Variants in PHOSPHO2 observed in about 807,000 individuals in gnomAD.
PHOSPHO2 encodes the protein phosphatase, orphan 2.
PHOSPHO2 carries 14 observed loss-of-function variants against 16.4 expected under a neutral mutation model. The ratio of observed to expected loss-of-function variants is 0.85; its 90% CI spans 0.56 to 1.33. The LOEUF is 1.33. PHOSPHO2 is among the 40% of genes most tolerant of loss of function. The pLI, the probability that PHOSPHO2 is intolerant of heterozygous loss-of-function variation, is 0.00. For missense variants in PHOSPHO2, 246 were observed against 282.5 expected, an observed-to-expected ratio of 0.87 and a Z score of 0.93; for synonymous variants, 85 against 90.5, an observed-to-expected ratio of 0.94 and a Z score of 0.34.
intron 3 of PHOSPHO2, among the ~76,000 whole-genome samples, chr2:169,698,849 A>G (rs1005368427): frequency 2.0e-5 from 3 of 152,192 alleles, no homozygotes; most frequent in African/African-American, 7.2e-5. Context: ...AGCTATAAAT[A>G]AACATGTGAA....
Position 169,700,885 on chromosome 2 carries a change from A to C in PHOSPHO2, c.-26-61A>C. ...AACATTTAGTTATGTTTATTAAATA[A>C]GTATTTTAGCTAGATATGTAAACAG... is the stretch of plus-strand genomic sequence containing the variant. On this transcript the variant is annotated intron_variant, in intron 3 of 3. Transcript: ENST00000359744. 5 of 1,392,716 alleles carry C rather than the reference A, an allele frequency of 3.6e-6. No homozygotes were observed. In the South Asian group the frequency reaches 7.4e-5, roughly 21 times the overall value. 86.3% of individuals were successfully genotyped at this position (1,392,716 alleles called of 1,614,324 possible). A position where few individuals can be genotyped will look rare whatever the true frequency, so the allele number is the denominator to read the frequency against.
At position 169,701,633 on chromosome 2, in the gene PHOSPHO2, C is replaced by G; in HGVS notation, c.662C>G (p.Ser221Cys). 6.3e-7 allele frequency: 1 copy of G among 1,599,410 alleles called. No individual in the cohort carries two copies. The highest frequency in any genetic ancestry group is 8.5e-7 in the Non-Finnish European group (1 of 1,177,116). ...MSQNLEPMEYSVVVWSSGVDI... is the reference protein window; with the variant it reads ...MSQNLEPMEYCVVVWSSGVDI... ...CAAAATCTTGAGCCTATGGAATATT[C>G]TGTTGTAGTTTGGTCCTCAGGTGTT... The change falls in exon 4 of 4, where the codon TCT (serine) becomes TGT (cysteine). Residue 221 changes from serine (S) to cysteine (C), a missense_variant. Coordinates refer to ENST00000359744, the MANE Select transcript of PHOSPHO2 (RefSeq NM_001008489.4).
Position 169,694,497 on chromosome 2 carries a change from G to A in PHOSPHO2, c.-356G>A. On this transcript the variant is annotated 5_prime_UTR_variant, in exon 1 of 4. Transcript: ENST00000359744. The stretch of plus-strand genomic sequence containing the variant: ...GTTGGCGGTCGGGCTAGAGAAGAGA[G>A]GCGCCTGCGCTTGCGAGCTGGGCTT... 2 of 684,264 alleles carry A rather than the reference G, an allele frequency of 2.9e-6. No individual in the cohort carries two copies. Among genetic ancestry groups the A allele is most frequent in the South Asian group, 1.6e-5 (1 of 62,114 alleles). 42.4% of individuals were successfully genotyped at this position (684,264 alleles called of 1,614,324 possible).
At chr2:169,694,667 T>G in intron 1 of PHOSPHO2, 45 bp downstream of exon 1, 2 of 418,324 alleles carry the variant, frequency 4.8e-6, no homozygotes, top group Non-Finnish European at 9.0e-6. Context: ...GCTACTCCCA[T>G]CCCCACCTGC....
rs1687740746 is a variant in PHOSPHO2, at chr2:169,701,143, A to G, written c.172A>G (p.Lys58Glu). 1.2e-6 allele frequency: 2 copies of G among 1,613,986 alleles called. No homozygotes were observed. Among genetic ancestry groups the G allele is most frequent in the Non-Finnish European group, 8.5e-7 (1 of 1,179,990 alleles). Residue 58 changes from lysine (K) to glutamate (E), a missense_variant, in exon 4 of 4, where the codon AAG becomes GAG. Lys to Glu is a moderately conservative substitution (Grantham distance 56). Coordinates refer to ENST00000359744, the MANE Select transcript of PHOSPHO2 (RefSeq NM_001008489.4). Reference sequence around the variant, plus strand: ...CAGAGTCTTTAAGTATTTGGGAGATAAGGGTGTAAGAGAACATGAAATGAA... The same window carrying G: ...CAGAGTCTTTAAGTATTTGGGAGATGAGGGTGTAAGAGAACATGAAATGAA... ...MGRVFKYLGDKGVREHEMKRA... is the reference protein window; with the variant it reads ...MGRVFKYLGDEGVREHEMKRA...
intron 2 of PHOSPHO2, among the ~76,000 whole-genome samples, chr2:169,696,417 A>T (rs570279022): frequency 6.6e-6 from 1 of 152,350 alleles, no homozygotes; most frequent in South Asian, 2.1e-4. Context: ...ACAGGATTAT[A>T]CTGTACACAC....
intron 2 of PHOSPHO2, among the ~76,000 whole-genome samples, chr2:169,695,485 A>C (rs1244481026): frequency 2.0e-5 from 3 of 152,024 alleles, no homozygotes; most frequent in Non-Finnish European, 4.4e-5. Context: ...AAATACAAAA[A>C]AATTAGCCAG....
At chr2:169,698,115 G>C (rs1384143047) in intron 3 of PHOSPHO2, 1 of 152,166 alleles carries the variant, frequency 6.6e-6, no homozygotes, top group Non-Finnish European at 1.5e-5. Flanking sequence ...TGGAGAATAT[G>C]TGTGGTTAAA....
At chr2:169,695,599 C>G (rs1265180663) in intron 2 of PHOSPHO2, among the ~76,000 whole-genome samples, 1 of 151,618 alleles carries the variant, frequency 6.6e-6, no homozygotes, top group Non-Finnish European at 1.5e-5. Flanking sequence ...CATCGTGCCA[C>G]TGCACTCCAG....
At chr2:169,699,346 C>T (rs1687665526) in intron 3 of PHOSPHO2, among the ~76,000 whole-genome samples, 1 of 152,184 alleles carries the variant, frequency 6.6e-6, no homozygotes, top group African/African-American at 2.4e-5. Context: ...CTGTAAAGGA[C>T]ATCATCTCAT....
At position 169,694,619 on chromosome 2, in the gene PHOSPHO2, C is replaced by T; in HGVS notation, c.-234C>T. On this transcript the variant is annotated 5_prime_UTR_variant, in exon 1 of 4. Coordinates refer to ENST00000359744, the MANE Select transcript of PHOSPHO2 (RefSeq NM_001008489.4). ...GCCGGGGCGGCTGCCGACGGCGGGACTGGGTCAGTGAGAAGCCCGTGGGCC... is the reference window on the plus strand; with the variant it reads ...GCCGGGGCGGCTGCCGACGGCGGGATTGGGTCAGTGAGAAGCCCGTGGGCC... 2 of 526,362 alleles carry T rather than the reference C, an allele frequency of 3.8e-6. No individual in the cohort carries two copies. The highest frequency in any genetic ancestry group is 6.3e-5 in the Admixed American group (2 of 31,532). The allele number at this position is 526,362 out of a possible 1,614,324, so 32.6% of individuals were successfully genotyped here. A position where few individuals can be genotyped will look rare whatever the true frequency, so the allele number is the denominator to read the frequency against.
chr2:169,699,034 T>A (rs1687650244), intron 3 of PHOSPHO2, among the ~76,000 whole-genome samples: 1 of 152,198 alleles, frequency 6.6e-6, no homozygotes, highest in Admixed American at 6.5e-5. Flanking sequence ...ACCTTTTAAG[T>A]TCAGGGGTAC....
chr2:169,700,154 T>G (rs1687700813), intron 3 of PHOSPHO2, among the ~76,000 whole-genome samples: 1 of 152,250 alleles, frequency 6.6e-6, no homozygotes, highest in African/African-American at 2.4e-5. Context: ...CTGTTTACTC[T>G]GTTGATAGTT....
At chr2:169,695,065 T>C (rs997042334) in intron 1 of PHOSPHO2, 150 bp from the exon 2 acceptor site, 9 of 153,750 alleles carry the variant, frequency 5.9e-5, no homozygotes, top group Admixed American at 5.8e-4. Context: ...GATGCTTTTC[T>C]AACACATTGA....
At chr2:169,700,856 G>A in intron 3 of PHOSPHO2, 90 bp from the exon 4 acceptor site, 1 of 1,263,916 alleles carries the variant, frequency 7.9e-7, no homozygotes, top group Non-Finnish European at 1.1e-6. Flanking sequence ...CCCTTTAGCA[G>A]ATTAACATTT....
chr2:169,696,755 T>A (rs764216715), intron 2 of PHOSPHO2, among the ~76,000 whole-genome samples: 1 of 152,236 alleles, frequency 6.6e-6, no homozygotes, highest in Non-Finnish European at 1.5e-5. Flanking sequence ...CATTTTAATT[T>A]CTAGTACAGC....
Position 169,697,020 on chromosome 2 carries a change from A to ATT in PHOSPHO2, c.-197-329_-197-328dup, listed in dbSNP as rs71006024. Among the ~76,000 whole-genome samples, 648 of 134,340 alleles carry ATT rather than the reference A, an allele frequency of 4.8e-3. 12 individuals are homozygous for ATT. Among genetic ancestry groups the ATT allele is most frequent in the African/African-American group, 0.015 (580 of 38,778 alleles). The allele number at this position is 134,340 out of a possible 152,430, so 88.1% of individuals were successfully genotyped here. A position where few individuals can be genotyped will look rare whatever the true frequency, so the allele number is the denominator to read the frequency against. On this transcript the variant is annotated intron_variant, in intron 2 of 3. Transcript: ENST00000359744. ...ATAATTAGAAAATACAAAAAAAAAA[A>ATT]TTTTTTTTTTTTTGACACGGAGTCT...
rs200797075 is a variant in PHOSPHO2 at position 169,697,369 on chromosome 2, A to G, written c.-189A>G. 31 of 152,312 alleles carry G rather than the reference A, an allele frequency of 2.0e-4. No individual in the cohort carries two copies. The highest frequency in any genetic ancestry group is 7.2e-4 in the African/African-American group (30 of 41,574). The allele number at this position is 152,312 out of a possible 1,614,324, so 9.4% of individuals were successfully genotyped here. A position where few individuals can be genotyped will look rare whatever the true frequency, so the allele number is the denominator to read the frequency against. On this transcript the variant is annotated 5_prime_UTR_variant, in exon 3 of 4. Coordinates refer to ENST00000359744, the MANE Select transcript of PHOSPHO2 (RefSeq NM_001008489.4). Reference sequence around the variant, plus strand: ...ACTTTTATTAATTTTAGGAGTTAAGAAGTTTCCATTATTTTGCTCCAAACC... The same window carrying G: ...ACTTTTATTAATTTTAGGAGTTAAGGAGTTTCCATTATTTTGCTCCAAACC...
At chr2:169,698,366 C>T (rs1279439949) in intron 3 of PHOSPHO2, 1 of 151,994 alleles carries the variant, frequency 6.6e-6, no homozygotes, top group African/African-American at 2.4e-5. Flanking sequence ...TATTTTTTAA[C>T]ACTAGAATTT....
Sources: allele counts gnomAD v4.1 joint callset (sites outside exome capture counted in the v4.1 genomes callset), GRCh38; gene constraint gnomAD v4.1.1; transcripts MANE v1.5; gene names NCBI Gene and HGNC (gene_info 2026-07-23, HGNC 2026-07-21).